MITD1: variants seen among roughly 807,000 people sequenced by gnomAD.
MITD1 encodes the protein MIT domain-containing protein 1.
Under a neutral mutation model 34.9 loss-of-function variants are expected in MITD1, and 24 were observed. That is an observed-to-expected ratio of 0.69 (90% CI 0.50 to 0.97). The LOEUF (loss-of-function observed/expected upper bound fraction) is 0.97. Among genes scored for constraint, MITD1 ranks in the 50% least tolerant of loss-of-function variants. The pLI is 0.00. For synonymous variants in MITD1, 102 were observed against 101.4 expected (o/e 1.01, Z -0.04); for missense variants, 266 against 294.6 (o/e 0.90, Z 0.71).
chr2:99,165,021 C>CAT, downstream of MITD1, among the ~76,000 whole-genome samples: 1 of 27,644 alleles, frequency 3.6e-5, no homozygotes, highest in Non-Finnish European at 7.0e-5. Flanking sequence ...AAATGGCATA[C>CAT]ACACACACAC....
chr2:99,179,328 C>T (rs2093902820), intron 1 of MITD1, among the ~76,000 whole-genome samples: 1 of 152,164 alleles, frequency 6.6e-6, no homozygotes, highest in African/African-American at 2.4e-5. Flanking sequence ...CCGACTGTGA[C>T]TCTACCACCT....
downstream of MITD1, among the ~76,000 whole-genome samples, chr2:99,164,935 T>C (rs995941467): frequency 1.3e-5 from 2 of 151,790 alleles, no homozygotes; most frequent in African/African-American, 2.4e-5. Flanking sequence ...CTGAAACATA[T>C]GGACTCAAGG....
chr2:99,175,447 T>C (rs1180495216), intron 1 of MITD1, among the ~76,000 whole-genome samples: 1 of 152,262 alleles, frequency 6.6e-6, no homozygotes, highest in African/African-American at 2.4e-5. Context: ...AGACTTGGTT[T>C]ATGCATTTTT....
At chr2:99,176,425 A>G (rs906598925) in intron 1 of MITD1, among the ~76,000 whole-genome samples, 1 of 151,690 alleles carries the variant, frequency 6.6e-6, no homozygotes, top group Non-Finnish European at 1.5e-5. Context: ...TCCCAGGTTC[A>G]AGCGATTCTC....
chr2:99,167,784 A>G (rs2093833325), downstream of MITD1, among the ~76,000 whole-genome samples: 1 of 152,160 alleles, frequency 6.6e-6, no homozygotes, highest in Non-Finnish European at 1.5e-5. Flanking sequence ...TTTCCATATG[A>G]TACAGCTTAG....
chr2:99,180,762 C>G (rs1185387752), intron 1 of MITD1, 69 bp downstream of exon 1: 1 of 1,352,198 alleles, frequency 7.4e-7, no homozygotes, highest in East Asian at 2.3e-5. Flanking sequence ...AACTCTTTCA[C>G]TTCACCCCAG....
downstream of MITD1, among the ~76,000 whole-genome samples, chr2:99,166,227 T>C (rs74994314): frequency 3.4e-3 from 501 of 147,636 alleles, 19 homozygotes; most frequent in East Asian, 0.073. Context: ...AGTACCTAGC[T>C]TGGGAGAACT....
In MITD1 at chr2:99,173,938, T is replaced by C; in HGVS notation, c.230A>G (p.Lys77Arg). 1 of 1,608,288 alleles carries C rather than the reference T, an allele frequency of 6.2e-7. No homozygotes were observed. The highest frequency in any genetic ancestry group is 8.5e-7 in the Non-Finnish European group (1 of 1,175,072). The stretch of plus-strand genomic sequence containing the variant: ...ACCTTCTTTTTCTTGGTCCAAGTAC[T>C]TCTTTATGTTTTCCGCTCTGTCCAT... ...KYMDRAENIK[K>R]YLDQEKEDGK... The change falls in exon 2 of 7, where the codon AAG (lysine) becomes AGG (arginine). Residue 77 changes from lysine to arginine, a missense_variant. Coordinates refer to ENST00000289359, the MANE Select transcript of MITD1 (RefSeq NM_138798.3).
intron 7 of MITD1, chr2:99,162,815 T>C: frequency 6.2e-7 from 1 of 1,614,110 alleles, no homozygotes; most frequent in Non-Finnish European, 8.5e-7. Flanking sequence ...CTTCCTTTCA[T>C]GTGTTATATG....
chr2:99,162,735 A>C, intron 7 of MITD1: 2 of 1,614,220 alleles, frequency 1.2e-6, no homozygotes, highest in Non-Finnish European at 1.7e-6. Flanking sequence ...TCCTGGAATA[A>C]ATAGCAAAGC....
At chr2:99,170,514 T>C (rs749807457) in intron 5 of MITD1, 23 bp downstream of exon 5, 1 of 1,072,942 alleles carries the variant, frequency 9.3e-7, no homozygotes, top group Non-Finnish European at 1.4e-6. Flanking sequence ...TGCATAAAAA[T>C]TAAAACATTA....
chr2:99,176,462 A>AT (rs1169758885), intron 1 of MITD1, among the ~76,000 whole-genome samples: 1 of 151,282 alleles, frequency 6.6e-6, no homozygotes, highest in Non-Finnish European at 1.5e-5. Context: ...AGTAGCTGGG[A>AT]TTATAGGCGC....
At chr2:99,165,885 T>C (rs528905717), downstream of MITD1, among the ~76,000 whole-genome samples, 3 of 152,300 alleles carry the variant, frequency 2.0e-5, no homozygotes, top group South Asian at 6.2e-4. Context: ...GACAGGGGCC[T>C]GAATTTCTGG....
intron 6 of MITD1, 37 bp downstream of exon 6, chr2:99,169,513 A>G (rs1420835658): frequency 8.8e-6 from 14 of 1,597,722 alleles, no homozygotes; most frequent in Non-Finnish European, 1.2e-5. Flanking sequence ...TGATACAAAA[A>G]CAGTGCTACA....
At chr2:99,169,920 T>C (rs976711573) in intron 5 of MITD1, among the ~76,000 whole-genome samples, 2 of 152,028 alleles carry the variant, frequency 1.3e-5, no homozygotes, top group Admixed American at 6.6e-5. Context: ...GTTTCAAGAG[T>C]TCCCCTACCT....
chr2:99,168,946 ATTTTTTTTT>A (rs1175310553), downstream of MITD1, among the ~76,000 whole-genome samples: 13 of 49,310 alleles, frequency 2.6e-4, no homozygotes, highest in South Asian at 7.1e-4. Context: ...TGCCCGGCTA[ATTTTTTTTT>A]TTTTTTTTTT....
In MITD1 at chr2:99,162,496, T is replaced by C. The variant is rs1487643005; in HGVS notation, c.*4-278A>G. On this transcript the variant is annotated intron_variant, in intron 7 of 7. Coordinates refer to the MITD1 transcript ENST00000422537. ...ACTACTGCCTATCACCATTGCACTT[T>C]ATTATGTAGTACTGATGGGACGTTC... The C allele has an allele frequency of 3.1e-6, 5 of 1,614,046 alleles. No individual in the cohort carries two copies. In the Admixed American group the frequency reaches 8.3e-5, roughly 27 times the overall value.
chr2:99,169,884 A>C (rs1170187407), intron 5 of MITD1, among the ~76,000 whole-genome samples: 1 of 152,206 alleles, frequency 6.6e-6, no homozygotes, highest in African/African-American at 2.4e-5. Context: ...AAGTGGTGGC[A>C]AAGTGTATTC....
chr2:99,176,673 C>CGT (rs200140249), intron 1 of MITD1, among the ~76,000 whole-genome samples: 4 of 147,400 alleles, frequency 2.7e-5, no homozygotes, highest in Admixed American at 2.0e-4. Context: ...TGTATGTGTG[C>CGT]GTGTGTGTGT....
Sources: gnomAD v4.1 joint callset for allele counts (sites outside exome capture counted in the v4.1 genomes callset) on GRCh38, gnomAD v4.1.1 for gene constraint, MANE v1.5 for transcripts, NCBI Gene and HGNC (gene_info 2026-07-23, HGNC 2026-07-21) for gene names.